Variants in ODF2 observed in about 807,000 individuals in gnomAD.
ODF2 encodes outer dense fiber of sperm tails 2, also known as outer dense fiber protein 2.
In ODF2, 47 loss-of-function variants were observed where a neutral mutation model predicts 110.2. The ratio of observed to expected loss-of-function variants is 0.43; its 90% CI spans 0.34 to 0.54. The LOEUF (loss-of-function observed/expected upper bound fraction) is 0.54, where lower values mean the gene tolerates loss of function less well. ODF2 is among the 20% of genes least tolerant of loss of function. The probability of loss-of-function intolerance (pLI) is 0.03; values close to 1 mark genes in which losing one functional copy is unlikely to be tolerated. For synonymous variants in ODF2, 352 were observed against 397.7 expected, an observed-to-expected ratio of 0.89 and a Z score of 1.37; for missense variants, 812 against 1,054.5, an observed-to-expected ratio of 0.77 and a Z score of 3.19.
intron 2 of ODF2, among the ~76,000 whole-genome samples, chr9:128,458,200 C>G (rs1835449548): frequency 6.6e-6 from 1 of 152,034 alleles, no homozygotes; most frequent in Non-Finnish European, 1.5e-5. Context: ...CCTGTGCAAT[C>G]CTAGCACTTT....
intron 14 of ODF2, among the ~76,000 whole-genome samples, chr9:128,489,561 TGGA>T (rs906775846): frequency 6.6e-6 from 1 of 152,234 alleles, no homozygotes; most frequent in African/African-American, 2.4e-5. Context: ...CCCCATTGTT[TGGA>T]GGAGTTTATT....
rs752436781 is a variant in ODF2 at position 128,460,905 on chromosome 9, G to C, written c.124-37G>C. ...ACTAGCGTGGCACCGTGGCCAGCTG[G>C]GTGTGGAAGTGACCCTGGGTTTGTC... On this transcript the variant is annotated intron_variant, in intron 3 of 20. Transcript: ENST00000604420. 19 of 1,613,698 alleles carry C rather than the reference G, an allele frequency of 1.2e-5. No individual in the cohort carries two copies. In the South Asian group the frequency reaches 2.1e-4, roughly 18 times the overall value.
At chr9:128,468,342 T>TA (rs1838831438) in intron 4 of ODF2, among the ~76,000 whole-genome samples, 1 of 152,172 alleles carries the variant, frequency 6.6e-6, no homozygotes, top group Admixed American at 6.6e-5. Flanking sequence ...ATGTTTTTGC[T>TA]GATTTGTTAT....
At chr9:128,499,150 C>G in intron 20 of ODF2, 24 bp downstream of exon 20, 1 of 1,613,696 alleles carries the variant, frequency 6.2e-7, no homozygotes, top group South Asian at 1.1e-5. Flanking sequence ...GTGGGCCGGG[C>G]TAGGAGAGTG....
chr9:128,496,542 GTTA>G (rs1845588260), intron 18 of ODF2, among the ~76,000 whole-genome samples: 1 of 152,222 alleles, frequency 6.6e-6, no homozygotes, highest in Non-Finnish European at 1.5e-5. Flanking sequence ...ACCGTTCTCT[GTTA>G]TTTACGGATT....
At chr9:128,489,472 G>T (rs1050401155) in intron 14 of ODF2, among the ~76,000 whole-genome samples, 1 of 152,134 alleles carries the variant, frequency 6.6e-6, no homozygotes, top group Admixed American at 6.5e-5. Context: ...CAAATTAGTT[G>T]CCTGCTTTTA....
chr9:128,471,597 C>A (rs1242634602), intron 6 of ODF2, 129 bp downstream of exon 6: 1 of 734,110 alleles, frequency 1.4e-6, no homozygotes, highest in Non-Finnish European at 2.2e-6. Context: ...GGAGCCTGTT[C>A]AACAGTCACA....
At chr9:128,488,627 C>T (rs1843893206) in intron 14 of ODF2, among the ~76,000 whole-genome samples, 1 of 152,194 alleles carries the variant, frequency 6.6e-6, no homozygotes, top group Admixed American at 6.5e-5. Context: ...AATGTGGGCT[C>T]TCCTGGGGGC....
At chr9:128,467,215 A>G (rs1054131180) in intron 4 of ODF2, among the ~76,000 whole-genome samples, 1 of 150,900 alleles carries the variant, frequency 6.6e-6, no homozygotes, top group South Asian at 2.1e-4. Flanking sequence ...CTCCTAGGCT[A>G]CAGACCTCTA....
chr9:128,471,402 C>T, exon 6 of ODF2: 1 of 1,613,404 alleles, frequency 6.2e-7, no homozygotes. Flanking sequence ...CTGGCTGAGA[C>T]TGAGCACGAG....
intron 3 of ODF2, chr9:128,460,053 A>C: frequency 1.0e-6 from 1 of 993,476 alleles, no homozygotes; most frequent in Non-Finnish European, 1.4e-6. Flanking sequence ...CATCCTTAGG[A>C]TTTCCTTCAG....
In ODF2 at chr9:128,491,973, C is replaced by T. The variant is rs1301252910; in HGVS notation, c.1537-453C>T. 3.3e-5 allele frequency among the ~76,000 whole-genome samples: 5 copies of T among 151,700 alleles called. No individual in the cohort carries two copies. The East Asian group carries it at 9.8e-4, about 30-fold the overall frequency. On this transcript the variant is annotated intron_variant, in intron 14 of 20. Coordinates refer to ENST00000604420, the Ensembl canonical transcript of ODF2. ...GCTCCGCTTTCGGGTTCATGCCATC[C>T]TCCTGCCTCAGCCTCCCGAGTAGCT... is the stretch of plus-strand genomic sequence containing the variant.
chr9:128,495,367 CAT>C (rs950001229), intron 17 of ODF2, among the ~76,000 whole-genome samples: 62 of 152,332 alleles, frequency 4.1e-4, no homozygotes, highest in African/African-American at 1.5e-3. Context: ...CAGCCCAAGG[CAT>C]AGAGAGGAGA....
chr9:128,482,072 T>C (rs972242058), intron 9 of ODF2, among the ~76,000 whole-genome samples: 2 of 152,228 alleles, frequency 1.3e-5, no homozygotes, highest in African/African-American at 4.8e-5. Flanking sequence ...CCTCAAGATG[T>C]TAATGAGTGC....
intron 2 of ODF2, among the ~76,000 whole-genome samples, chr9:128,457,943 A>ATT (rs1181931486): frequency 0.015 from 2,103 of 140,432 alleles, 18 homozygotes; most frequent in Middle Eastern, 0.023. Flanking sequence ...ATATATATAT[A>ATT]TTTTTTTTTT....
chr9:128,500,554 T>A (rs1846345624), downstream of ODF2: 1 of 283,600 alleles, frequency 3.5e-6, no homozygotes, highest in Admixed American at 4.8e-5. Flanking sequence ...TGCTCCTTCC[T>A]TTCCTGAGAA....
At chr9:128,475,486 T>C (rs1004169459) in intron 8 of ODF2, among the ~76,000 whole-genome samples, 2 of 152,216 alleles carry the variant, frequency 1.3e-5, no homozygotes, top group East Asian at 1.9e-4. Context: ...CTTAAAATTA[T>C]CTCTTAGCAA....
At chr9:128,495,151 C>T (rs1845370973) in intron 17 of ODF2, among the ~76,000 whole-genome samples, 1 of 152,254 alleles carries the variant, frequency 6.6e-6, no homozygotes, top group African/African-American at 2.4e-5. Flanking sequence ...TGCCTACGGC[C>T]TGCAGTGTCC....
At chr9:128,464,977 G>C (rs1837475595) in intron 4 of ODF2, among the ~76,000 whole-genome samples, 1 of 152,166 alleles carries the variant, frequency 6.6e-6, no homozygotes, top group African/African-American at 2.4e-5. Flanking sequence ...TTACAGGCGT[G>C]AGCCACTGTG....
Sources: gnomAD v4.1 joint callset for allele counts (sites outside exome capture counted in the v4.1 genomes callset) on GRCh38, gnomAD v4.1.1 for gene constraint, MANE v1.5 for transcripts, NCBI Gene and HGNC (gene_info 2026-07-23, HGNC 2026-07-21) for gene names.